The following FGF11 variants were observed in gnomAD, a reference collection of about 807,000 sequenced individuals.
FGF11 encodes the protein fibroblast growth factor homologous factor 3.
A neutral mutation model predicts 25.1 loss-of-function variants in FGF11; 25 were observed. The observed-to-expected ratio is 1.00, with a 90% CI of 0.73 to 1.39. The LOEUF (loss-of-function observed/expected upper bound fraction) is 1.39. Among genes scored for constraint, FGF11 ranks in the 40% most tolerant of loss-of-function variants. The pLI is 0.00. For synonymous variants in FGF11, 130 were observed against 128.9 expected, an observed-to-expected ratio of 1.01 and a Z score of -0.06; for missense variants, 320 against 311.0, an observed-to-expected ratio of 1.03 and a Z score of -0.22.
In FGF11 at chr17:7,443,571, T is replaced by C. The variant is rs573552482; in HGVS notation, c.*425T>C. On this transcript the variant is annotated 3_prime_UTR_variant, in exon 5 of 5. Transcript: ENST00000293829. ...TAGATTCACTGGAGCTCAGGATTCA[T>C]GTGTCCTTCTTTCCCTACTCTACCT... The C allele has an allele frequency of 5.9e-6, 1 of 170,760 alleles. No homozygotes were observed. Among genetic ancestry groups the C allele is most frequent in the Admixed American group, 5.7e-5 (1 of 17,652 alleles). The allele number at this position is 170,760 out of a possible 1,614,324, so 10.6% of individuals were successfully genotyped here. A position where few individuals can be genotyped will look rare whatever the true frequency, so the allele number is the denominator to read the frequency against.
rs1156985451 is a variant in FGF11 at position 7,444,033 on chromosome 17, T to G, written c.*887T>G. ...TTGAGTGATACCTATTACGGATGAG[T>G]TCTGGAAAAGACCCAGCTATGATTC... On this transcript the variant is annotated 3_prime_UTR_variant, in exon 5 of 5. Coordinates refer to ENST00000293829, the MANE Select transcript of FGF11 (RefSeq NM_004112.4). 2.0e-5 allele frequency: 3 copies of G among 152,170 alleles called. No homozygotes were observed. The highest frequency in any genetic ancestry group is 4.4e-5 in the Non-Finnish European group (3 of 68,036). 9.4% of individuals were successfully genotyped at this position (152,170 alleles called of 1,614,324 possible). A position where few individuals can be genotyped will look rare whatever the true frequency, so the allele number is the denominator to read the frequency against.
At chr17:7,439,160 G>C (rs1198080516), upstream of FGF11, 1 of 153,422 alleles carries the variant, frequency 6.5e-6, no homozygotes, top group Non-Finnish European at 1.5e-5. Flanking sequence ...TGGGATGAGC[G>C]AATATTCCCA....
Position 7,443,443 on chromosome 17 carries a change from G to C in FGF11, c.*297G>C, listed in dbSNP as rs189331761. 3.0e-6 allele frequency: 1 copy of C among 334,284 alleles called. No homozygotes were observed. Among genetic ancestry groups the C allele is most frequent in the African/African-American group, 2.1e-5 (1 of 46,988 alleles). 20.7% of individuals were successfully genotyped at this position (334,284 alleles called of 1,614,324 possible). A position where few individuals can be genotyped will look rare whatever the true frequency, so the allele number is the denominator to read the frequency against. On this transcript the variant is annotated 3_prime_UTR_variant, in exon 5 of 5. Transcript: ENST00000293829. ...ACGCCATGCCTTTTCCTGAGATGGC[G>C]CTGGGAGTTCCCACATGGACAGCCA...
Position 7,442,582 on chromosome 17 carries a change from T to C in FGF11, c.409-12T>C, listed in dbSNP as rs769805618. ...TGTCTTTGTGCGCCTTTCTGGGTCT[T>C]TGTCTCCTTAGCCGCATTTCACAGC... On this transcript the variant is annotated splice_polypyrimidine_tract_variant and intron_variant, in intron 3 of 4. Coordinates refer to ENST00000293829, the MANE Select transcript of FGF11 (RefSeq NM_004112.4). 5 of 1,614,094 alleles carry C rather than the reference T, an allele frequency of 3.1e-6. No individual in the cohort carries two copies. Among genetic ancestry groups the C allele is most frequent in the Non-Finnish European group, 4.2e-6 (5 of 1,179,978 alleles).
At position 7,444,082 on chromosome 17, in the gene FGF11, A is replaced by G. The variant is rs147206656; in HGVS notation, c.*936A>G. 2.7e-4 allele frequency: 41 copies of G among 152,358 alleles called. No homozygotes were observed. Among genetic ancestry groups the G allele is most frequent in the African/African-American group, 9.6e-4 (40 of 41,576 alleles). 9.4% of individuals were successfully genotyped at this position (152,358 alleles called of 1,614,324 possible). On this transcript the variant is annotated 3_prime_UTR_variant, in exon 5 of 5. Transcript: ENST00000293829. ...TCATAAAAACACTTCTGGATGAATC[A>G]AGAACCATTTCTTGTTTTTCCTAGA...
chr17:7,443,065 C>T lies in FGF11; in HGVS notation c.608-11C>T, dbSNP rs761389123. 6.2e-7 allele frequency: 1 copy of T among 1,607,202 alleles called. No individual in the cohort carries two copies. The highest frequency in any genetic ancestry group is 1.7e-5 in the Admixed American group (1 of 59,786). On this transcript the variant is annotated splice_polypyrimidine_tract_variant and intron_variant, in intron 4 of 4. Coordinates refer to ENST00000293829, the MANE Select transcript of FGF11 (RefSeq NM_004112.4). ...TCTCCTTCCCTGCTCCTCTCTTTCT[C>T]CCCTTCACAGTGGCCATGTACCAGG...
At position 7,443,430 on chromosome 17, in the gene FGF11, T is replaced by G; in HGVS notation, c.*284T>G. ...CCACACTCACACAACGCCATGCCTT[T>G]TCCTGAGATGGCGCTGGGAGTTCCC... On this transcript the variant is annotated 3_prime_UTR_variant, in exon 5 of 5. Coordinates refer to ENST00000293829, the MANE Select transcript of FGF11 (RefSeq NM_004112.4). The G allele has an allele frequency of 2.8e-6, 1 of 353,222 alleles. No homozygotes were observed. The highest frequency in any genetic ancestry group is 5.1e-6 in the Non-Finnish European group (1 of 194,522). 21.9% of individuals were successfully genotyped at this position (353,222 alleles called of 1,614,324 possible). A position where few individuals can be genotyped will look rare whatever the true frequency, so the allele number is the denominator to read the frequency against.
chr17:7,442,525 T>C lies in FGF11; in HGVS notation c.409-69T>C, dbSNP rs1908375521. 4 of 1,607,160 alleles carry C rather than the reference T, an allele frequency of 2.5e-6. No homozygotes were observed. In the East Asian group the frequency reaches 6.7e-5, roughly 27 times the overall value. ...AGGATTTGTGCTTTCCATGAGCTCC[T>C]TTCTGCCCAGTGATGTGTCTTTTTA... is the stretch of plus-strand genomic sequence containing the variant. On this transcript the variant is annotated intron_variant, in intron 3 of 4. Coordinates refer to ENST00000293829, the MANE Select transcript of FGF11 (RefSeq NM_004112.4).
chr17:7,441,802 C>T lies in FGF11; in HGVS notation c.331C>T (p.Leu111Phe), dbSNP rs749121439. 1.9e-6 allele frequency: 3 copies of T among 1,611,428 alleles called. No individual in the cohort carries two copies. In the South Asian group the frequency reaches 3.3e-5, roughly 18 times the overall value. ...CCACTTCAACCTGATCCCTGTGGGCCTCCGTGTGGTCACCATCCAGAGCGC... is the reference window on the plus strand; with the variant it reads ...CCACTTCAACCTGATCCCTGTGGGCTTCCGTGTGGTCACCATCCAGAGCGC... ...FTHFNLIPVG[L>F]RVVTIQSAKL... is the part of the protein sequence containing the mutation. Residue 111 changes from leucine (L) to phenylalanine (F), a missense_variant, in exon 3 of 5, where the codon CTC becomes TTC. By Grantham distance (22) the Leu-to-Phe change is conservative (BLOSUM62 0). Transcript: ENST00000293829.
chr17:7,439,683 C>T lies in FGF11; in HGVS notation c.63C>T (p.Ser21=). Reference sequence around the variant, plus strand: ...GGGAGGTCCGCGAGCCCGGGGGCAGCCGGCCGGTGTCGGCGCAGCGGCGCG... The same window carrying T: ...GGGAGGTCCGCGAGCCCGGGGGCAGTCGGCCGGTGTCGGCGCAGCGGCGCG... ...QKREVREPGG[S]RPVSAQRRVC... The change falls in exon 1 of 5, where the codon AGC becomes AGT. Residue 21 remains serine (S), a synonymous_variant. Transcript: ENST00000293829. 1 of 1,545,064 alleles carries T rather than the reference C, an allele frequency of 6.5e-7. No homozygotes were observed. The highest frequency in any genetic ancestry group is 2.5e-5 in the East Asian group (1 of 39,494).
chr17:7,444,237 G>C lies in FGF11; in HGVS notation c.*1091G>C, dbSNP rs939449580. 4 of 152,614 alleles carry C rather than the reference G, an allele frequency of 2.6e-5. No homozygotes were observed. Among genetic ancestry groups the C allele is most frequent in the Non-Finnish European group, 5.9e-5 (4 of 68,038 alleles). The allele number at this position is 152,614 out of a possible 1,614,324, so 9.5% of individuals were successfully genotyped here. On this transcript the variant is annotated 3_prime_UTR_variant, in exon 5 of 5. Transcript: ENST00000293829. ...TCTGGAGAAGGGCAGAGGAATTTTG[G>C]AAGGATCCCTGGCTCATAGTAGGGA...
At chr17:7,439,335 A>C, upstream of FGF11, 91 of 289,964 alleles carry the variant, frequency 3.1e-4, no homozygotes, top group Middle Eastern at 1.0e-3. Flanking sequence ...AGAGGAGGGA[A>C]AGGGGACGTT....
intron 1 of FGF11, 200 bp from the exon 2 acceptor site, chr17:7,441,271 G>A: frequency 1.6e-6 from 1 of 635,808 alleles, no homozygotes; most frequent in Non-Finnish European, 2.6e-6. Flanking sequence ...CCTGGTTATA[G>A]GAAACAGAAG....
upstream of FGF11, chr17:7,439,205 T>G: frequency 6.3e-6 from 1 of 159,080 alleles, no homozygotes. Context: ...ATTACAAGAG[T>G]GGATTTGGCA....
chr17:7,439,879 A>G lies in FGF11; in HGVS notation c.193+66A>G, dbSNP rs892351248. 292 of 1,309,064 alleles carry G rather than the reference A, an allele frequency of 2.2e-4. 1 individual carries two copies. Among genetic ancestry groups the G allele is most frequent in the Non-Finnish European group, 2.8e-4 (284 of 1,013,678 alleles). The allele number at this position is 1,309,064 out of a possible 1,614,324, so 81.1% of individuals were successfully genotyped here. A position where few individuals can be genotyped will look rare whatever the true frequency, so the allele number is the denominator to read the frequency against. On this transcript the variant is annotated intron_variant, in intron 1 of 4. Transcript: ENST00000293829. ...TCTGCCTGGGAGATTGAGGCCAGGG[A>G]CTCTGAAGAATAGGGCCCGGCTGAG...
At chr17:7,441,650 C>T in intron 2 of FGF11, 69 bp downstream of exon 2, 1 of 1,598,400 alleles carries the variant, frequency 6.3e-7, no homozygotes, top group South Asian at 1.1e-5. Context: ...ATCCTATTCC[C>T]TCTTCAGCTT....
rs747173544 is a variant in FGF11 at position 7,439,800 on chromosome 17, G to A, written c.180G>A (p.Pro60=). Residue 60 remains proline (P), a synonymous_variant, in exon 1 of 5, where the codon CCG becomes CCA. Transcript: ENST00000293829. ...VRLCGGRPAR[P]DRGPEPQLKG... ...TGTGCGGGGGGCGGCCCGCGCGGCC[G>A]GACCGCGGCCCGGGTGAGTGCGGCT... 4 of 1,445,032 alleles carry A rather than the reference G, an allele frequency of 2.8e-6. No individual in the cohort carries two copies. The highest frequency in any genetic ancestry group is 3.0e-5 in the South Asian group (2 of 67,378). 89.5% of individuals were successfully genotyped at this position (1,445,032 alleles called of 1,614,324 possible).
rs1908215484 is a variant in FGF11 at position 7,439,613 on chromosome 17, G to A, written c.-8G>A. 2 of 1,419,324 alleles carry A rather than the reference G, an allele frequency of 1.4e-6. No homozygotes were observed. Among genetic ancestry groups the A allele is most frequent in the Non-Finnish European group, 9.1e-7 (1 of 1,095,624 alleles). 87.9% of individuals were successfully genotyped at this position (1,419,324 alleles called of 1,614,324 possible). The stretch of plus-strand genomic sequence containing the variant: ...TGCCGGTTTGGGGGTGTCTCCTCCC[G>A]GGGCGCTATGGCGGCGCTGGCCAGT... On this transcript the variant is annotated 5_prime_UTR_variant, in exon 1 of 5. Coordinates refer to ENST00000293829, the MANE Select transcript of FGF11 (RefSeq NM_004112.4).
rs774927747 is a variant in FGF11 at position 7,444,786 on chromosome 17, AG to A, written c.*1642del. Reference sequence around the variant, plus strand: ...GCTCCAAGGCAGGTCACTTTTCCTTAGGCTGTTCTACTTCTGGCTTGTTGCA... The same window carrying A: ...GCTCCAAGGCAGGTCACTTTTCCTTAGCTGTTCTACTTCTGGCTTGTTGCA... On this transcript the variant is annotated 3_prime_UTR_variant, in exon 5 of 5. Transcript: ENST00000293829. 10 of 436,332 alleles carry A rather than the reference AG, an allele frequency of 2.3e-5. No individual in the cohort carries two copies. The highest frequency in any genetic ancestry group is 3.7e-5 in the Admixed American group (1 of 26,762). 27.0% of individuals were successfully genotyped at this position (436,332 alleles called of 1,614,324 possible).
Sources: gnomAD v4.1 joint callset for allele counts on GRCh38, gnomAD v4.1.1 for gene constraint, MANE v1.5 for transcripts, NCBI Gene and HGNC (gene_info 2026-07-23, HGNC 2026-07-21) for gene names.